IL13RA1: variants seen among roughly 807,000 people sequenced by gnomAD.
The protein encoded by IL13RA1 is interleukin 13 receptor subunit alpha 1.
IL13RA1 carries 14 observed loss-of-function variants against 33.8 expected under a neutral mutation model. That is an observed-to-expected ratio of 0.41 (90% CI 0.27 to 0.65). The LOEUF is 0.65. IL13RA1 is among the 30% of genes least tolerant of loss of function. The pLI, the probability that IL13RA1 is intolerant of heterozygous loss-of-function variation, is 0.28. For synonymous variants in IL13RA1, 116 were observed against 115.7 expected, an observed-to-expected ratio of 1.00 and a Z score of -0.02; for missense variants, 313 against 327.0, an observed-to-expected ratio of 0.96 and a Z score of 0.33.
At position 118,747,096 on chromosome X, in the gene IL13RA1, A is replaced by G; in HGVS notation, c.367+4A>G. 1 of 1,130,694 alleles carries G rather than the reference A, an allele frequency of 8.8e-7. No individual in the cohort carries two copies. The highest frequency in any genetic ancestry group is 1.2e-6 in the Non-Finnish European group (1 of 825,001). 93.2% of individuals were successfully genotyped at this position (1,130,694 alleles called of 1,213,427 possible). On this transcript the variant is annotated splice_donor_region_variant and intron_variant, in intron 3 of 10. Coordinates refer to ENST00000371666, the MANE Select transcript of IL13RA1 (RefSeq NM_001560.3). ...AAATGCATCTCACCCCCAGAAGGTAACAACTGAAAGCGCTATCTCTTGGTG... is the reference window on the plus strand; with the variant it reads ...AAATGCATCTCACCCCCAGAAGGTAGCAACTGAAAGCGCTATCTCTTGGTG...
intron 8 of IL13RA1, among the ~76,000 whole-genome samples, chrX:118,773,059 A>C (rs748510580): frequency 1.8e-5 from 2 of 112,455 alleles, no homozygotes; most frequent in Non-Finnish European, 3.7e-5. Context: ...TACATAGAGA[A>C]ATTTTTATTA....
downstream of IL13RA1, among the ~76,000 whole-genome samples, chrX:118,798,826 C>A (rs1040687332): frequency 1.8e-5 from 2 of 112,978 alleles, no homozygotes; most frequent in African/African-American, 6.4e-5. Flanking sequence ...GCTCTCGGCG[C>A]CTCCTCTGCC....
intron 8 of IL13RA1, chrX:118,770,845 C>A: frequency 3.7e-6 from 1 of 272,520 alleles, no homozygotes; most frequent in Non-Finnish European, 6.9e-6. Context: ...AAGATGATGA[C>A]AATGAGGAGG....
At chrX:118,772,744 G>T (rs1189634242) in intron 8 of IL13RA1, among the ~76,000 whole-genome samples, 1 of 111,816 alleles carries the variant, frequency 8.9e-6, no homozygotes, top group Non-Finnish European at 1.9e-5. Flanking sequence ...TTCCTTTAAA[G>T]CAGCACAAGA....
chrX:118,761,887 C>T (rs1284815367), intron 6 of IL13RA1, among the ~76,000 whole-genome samples: 1 of 111,451 alleles, frequency 9.0e-6, no homozygotes, highest in East Asian at 2.8e-4. Flanking sequence ...ATGAGCTTAG[C>T]ATGTGTGAGA....
At chrX:118,777,094 T>G (rs373189483) in intron 10 of IL13RA1, among the ~76,000 whole-genome samples, 6 of 109,352 alleles carry the variant, frequency 5.5e-5, no homozygotes, top group East Asian at 2.9e-4. Flanking sequence ...TTTCCAGAAA[T>G]TTTTCATCAT....
At chrX:118,773,834 A>G (rs2017752394) in intron 8 of IL13RA1, 45 bp from the exon 9 acceptor site, 1 of 639,076 alleles carries the variant, frequency 1.6e-6, no homozygotes, top group South Asian at 2.3e-5. Flanking sequence ...TATTACTAAA[A>G]GGGTTTTATT....
At chrX:118,755,647 C>T (rs2017521915) in intron 4 of IL13RA1, among the ~76,000 whole-genome samples, 1 of 112,107 alleles carries the variant, frequency 8.9e-6, no homozygotes, top group African/African-American at 3.2e-5. Flanking sequence ...GATCCATGAG[C>T]ATATGCAGAA....
At chrX:118,742,571 G>A (rs763640485) in intron 2 of IL13RA1, among the ~76,000 whole-genome samples, 2 of 112,139 alleles carry the variant, frequency 1.8e-5, no homozygotes, top group African/African-American at 6.5e-5. Context: ...TAGAAATGGG[G>A]CTATTTCCTC....
At chrX:118,784,090 A>AAATATATATATATAT (rs1556372973) in intron 10 of IL13RA1, among the ~76,000 whole-genome samples, 13 of 63,947 alleles carry the variant, frequency 2.0e-4, no homozygotes, top group East Asian at 6.7e-4. Flanking sequence ...AAAAAAAAAA[A>AAATATATATATATAT]ATATATATAT....
the IL13RA1 span, among the ~76,000 whole-genome samples, chrX:118,801,532 T>C: frequency 1.3e-4 from 15 of 112,433 alleles, no homozygotes; most frequent in Admixed American, 1.4e-3. Context: ...TTTTCGTATC[T>C]TTTTTCTCCC....
chrX:118,772,580 T>C (rs903743715), intron 8 of IL13RA1, among the ~76,000 whole-genome samples: 4 of 111,973 alleles, frequency 3.6e-5, no homozygotes, highest in African/African-American at 1.3e-4. Context: ...CATGGCAAAA[T>C]AGCTTAAAAG....
chrX:118,743,757 G>T (rs773239751), intron 2 of IL13RA1, among the ~76,000 whole-genome samples: 1 of 111,660 alleles, frequency 9.0e-6, no homozygotes, highest in Middle Eastern at 4.2e-3. Context: ...CAGATTCCCT[G>T]CAGGGTGGAG....
At chrX:118,741,935 C>T (rs1363212849) in intron 2 of IL13RA1, among the ~76,000 whole-genome samples, 1 of 110,806 alleles carries the variant, frequency 9.0e-6, no homozygotes, top group Non-Finnish European at 1.9e-5. Context: ...GTTCAGGCAG[C>T]TTTGGTGGCA....
chrX:118,761,308 TG>T lies in IL13RA1; in HGVS notation c.828+20del. 1 of 834,881 alleles carries T rather than the reference TG, an allele frequency of 1.2e-6. No individual in the cohort carries two copies. The highest frequency in any genetic ancestry group is 2.1e-5 in the African/African-American group (1 of 48,448). The allele number at this position is 834,881 out of a possible 1,213,427, so 68.8% of individuals were successfully genotyped here. ...TTTCTACGTAAGGTTTTAAAATTAT[TG>T]TTTTTATTTGGCTATTTTTCTTTTA... is the stretch of plus-strand genomic sequence containing the variant. On this transcript the variant is annotated intron_variant, in intron 6 of 10. Coordinates refer to ENST00000371666, the MANE Select transcript of IL13RA1 (RefSeq NM_001560.3).
At chrX:118,764,481 T>G (rs1003572085) in intron 6 of IL13RA1, among the ~76,000 whole-genome samples, 6 of 105,406 alleles carry the variant, frequency 5.7e-5, no homozygotes, top group South Asian at 8.4e-4. Flanking sequence ...CTGAGTGGGG[T>G]TTTTTTTTTC....
At chrX:118,757,678 CTTTTTTTTTTTTT>C (rs765835021) in intron 4 of IL13RA1, among the ~76,000 whole-genome samples, 13 of 58,354 alleles carry the variant, frequency 2.2e-4, no homozygotes, top group Admixed American at 4.5e-4. Context: ...AGAATTCTGC[CTTTTTTTTTTTTT>C]TTTTTTTTTT....
At chrX:118,777,770 G>A (rs1472484604) in intron 10 of IL13RA1, among the ~76,000 whole-genome samples, 1 of 111,486 alleles carries the variant, frequency 9.0e-6, no homozygotes, top group Non-Finnish European at 1.9e-5. Context: ...AAGGGTTTGA[G>A]GCTTCTAACT....
intron 10 of IL13RA1, among the ~76,000 whole-genome samples, chrX:118,786,708 CTTTT>C (rs2017922118): frequency 8.9e-6 from 1 of 111,882 alleles, no homozygotes; most frequent in Non-Finnish European, 1.9e-5. Context: ...TCTAGGCTTT[CTTTT>C]TTGTCGCTCT....
Sources: gnomAD v4.1 joint callset for allele counts (sites outside exome capture counted in the v4.1 genomes callset) on GRCh38, gnomAD v4.1.1 for gene constraint, MANE v1.5 for transcripts, NCBI Gene and HGNC (gene_info 2026-07-23, HGNC 2026-07-21) for gene names.